The following NFIA variants were observed in gnomAD, a reference collection of about 807,000 sequenced individuals.
The protein encoded by NFIA is nuclear factor 1 A-type.
Under a neutral mutation model 62.8 loss-of-function variants are expected in NFIA, and 8 were observed. The observed-to-expected ratio is 0.13, with a 90% CI of 0.07 to 0.23. The LOEUF (loss-of-function observed/expected upper bound fraction) is 0.23. Among genes scored for constraint, NFIA ranks in the 10% least tolerant of loss-of-function variants. NFIA has a pLI of 1.00. For synonymous variants in NFIA, 235 were observed against 238.1 expected, an observed-to-expected ratio of 0.99 and a Z score of 0.12; for missense variants, 410 against 642.1, an observed-to-expected ratio of 0.64 and a Z score of 3.91.
Position 61,455,320 on chromosome 1 carries a change from A to G in NFIA, c.1530A>G (p.Ter510=), listed in dbSNP as rs766215148. ...PQQTQSWYLG[*] The stretch of plus-strand genomic sequence containing the variant: ...TCTTCCAGTCCTGGTACCTGGGATA[A>G]AAGTTGCAGCGTCCCACCATCCACC... Residue 510 remains the stop codon, a stop_retained_variant, in exon 11 of 11, where the codon TAA becomes TAG. Coordinates refer to ENST00000403491, the MANE Select transcript of NFIA (RefSeq NM_001134673.4). 2.5e-6 allele frequency: 4 copies of G among 1,614,034 alleles called. No homozygotes were observed. Among genetic ancestry groups the G allele is most frequent in the Non-Finnish European group, 3.4e-6 (4 of 1,179,968 alleles).
At position 61,406,617 on chromosome 1, in the gene NFIA, T is replaced by TGCCACC. The variant is rs752078495; in HGVS notation, c.1323_1328dup (p.Pro443_Pro444dup). 5 of 1,429,042 alleles carry TGCCACC rather than the reference T, an allele frequency of 3.5e-6. No individual in the cohort carries two copies. The highest frequency in any genetic ancestry group is 1.5e-5 in the African/African-American group (1 of 66,354). The allele number at this position is 1,429,042 out of a possible 1,614,324, so 88.5% of individuals were successfully genotyped here. A position where few individuals can be genotyped will look rare whatever the true frequency, so the allele number is the denominator to read the frequency against. On this transcript the variant is annotated inframe_insertion, in exon 9 of 11. Transcript: ENST00000403491. ...AACCCATTCCTTCCCACCCCAATGT[T>TGCCACC]GCCACCGCCACCGCCACCACCGATG...
At chr1:61,304,436 T>C (rs1659649841) in intron 3 of NFIA, among the ~76,000 whole-genome samples, 1 of 152,210 alleles carries the variant, frequency 6.6e-6, no homozygotes, top group Admixed American at 6.5e-5. Context: ...GTTTAATTAG[T>C]GTATGAATTC....
intron 3 of NFIA, among the ~76,000 whole-genome samples, chr1:61,311,313 C>T (rs1660099842): frequency 6.6e-6 from 1 of 152,102 alleles, no homozygotes; most frequent in African/African-American, 2.4e-5. Flanking sequence ...ATCGCTTGAA[C>T]CCGGGAGGTG....
intron 2 of NFIA, among the ~76,000 whole-genome samples, chr1:61,246,087 C>T (rs1350994625): frequency 6.6e-6 from 1 of 152,118 alleles, no homozygotes; most frequent in Non-Finnish European, 1.5e-5. Context: ...TTTATGTGTC[C>T]ACAGTTTGAA....
intron 3 of NFIA, among the ~76,000 whole-genome samples, chr1:61,321,352 T>C (rs1660669181): frequency 6.6e-6 from 1 of 151,812 alleles, no homozygotes; most frequent in Admixed American, 6.6e-5. Flanking sequence ...GACTAATAAA[T>C]GCATAATTCT....
intron 4 of NFIA, among the ~76,000 whole-genome samples, chr1:61,345,561 G>A (rs1415204902): frequency 5.3e-5 from 8 of 152,290 alleles, no homozygotes; most frequent in South Asian, 2.1e-4. Flanking sequence ...GTTAGGAACC[G>A]GACTGCACAG....
intron 2 of NFIA, among the ~76,000 whole-genome samples, chr1:61,099,123 C>G (rs183861665): frequency 1.3e-3 from 195 of 152,294 alleles, no homozygotes; most frequent in Non-Finnish European, 1.6e-3. Context: ...TCTGATTTCT[C>G]TAGAAAGGTC....
intron 1 of NFIA, among the ~76,000 whole-genome samples, chr1:61,086,247 G>C (rs1646217228): frequency 6.6e-6 from 1 of 152,084 alleles, no homozygotes; most frequent in Non-Finnish European, 1.5e-5. Context: ...TCAATGTGAA[G>C]TTCTGTTTCA....
At chr1:61,435,311 A>G (rs1667277039) in intron 10 of NFIA, among the ~76,000 whole-genome samples, 1 of 152,180 alleles carries the variant, frequency 6.6e-6, no homozygotes, top group East Asian at 1.9e-4. Context: ...AATAGTATCT[A>G]CCTCATAGAA....
intron 6 of NFIA, among the ~76,000 whole-genome samples, chr1:61,372,167 G>C (rs1663920625): frequency 6.6e-6 from 1 of 152,046 alleles, no homozygotes; most frequent in Admixed American, 6.6e-5. Context: ...GAGAAAAAAG[G>C]GTGAATCATT....
At chr1:61,258,154 A>T (rs528755225) in intron 2 of NFIA, among the ~76,000 whole-genome samples, 2 of 152,358 alleles carry the variant, frequency 1.3e-5, no homozygotes, top group East Asian at 3.9e-4. Context: ...AAATGTAGAT[A>T]CATAAAAATA....
intron 2 of NFIA, among the ~76,000 whole-genome samples, chr1:61,269,088 G>A (rs1037366373): frequency 2.6e-5 from 4 of 152,020 alleles, no homozygotes; most frequent in African/African-American, 9.7e-5. Flanking sequence ...GTCCTAAAGT[G>A]TTTATTTTGT....
chr1:61,450,282 C>G (rs1162431723), intron 10 of NFIA, among the ~76,000 whole-genome samples: 1 of 152,224 alleles, frequency 6.6e-6, no homozygotes, highest in African/African-American at 2.4e-5. Flanking sequence ...GTGAGAAACT[C>G]AGAGTCCACT....
intron 3 of NFIA, among the ~76,000 whole-genome samples, chr1:61,318,343 T>A (rs572581804): frequency 6.6e-6 from 1 of 152,156 alleles, no homozygotes; most frequent in Non-Finnish European, 1.5e-5. Flanking sequence ...CATGTTGGAA[T>A]CCGTGGTTGC....
intron 3 of NFIA, among the ~76,000 whole-genome samples, chr1:61,328,206 GC>G (rs969516890): frequency 1.3e-5 from 2 of 151,818 alleles, no homozygotes; most frequent in African/African-American, 4.8e-5. Context: ...AGGGCAGGGG[GC>G]TCAGAACACA....
chr1:61,432,407 C>T (rs1667136243), intron 10 of NFIA, among the ~76,000 whole-genome samples: 1 of 151,958 alleles, frequency 6.6e-6, no homozygotes, highest in South Asian at 2.1e-4. Context: ...TACATCCTCA[C>T]TTGCCCACCC....
chr1:61,349,494 C>T lies in NFIA; in HGVS notation c.701-2956C>T, dbSNP rs138966774. On this transcript the variant is annotated intron_variant, in intron 4 of 10. Coordinates refer to ENST00000403491, the MANE Select transcript of NFIA (RefSeq NM_001134673.4). Reference sequence around the variant, plus strand: ...TTCACCTGGTTTCCCAAGTGCTAATCGTGGGAGTTATCCCATACTCCCCTG... The same window carrying T: ...TTCACCTGGTTTCCCAAGTGCTAATTGTGGGAGTTATCCCATACTCCCCTG... Among the ~76,000 whole-genome samples, 736 of 152,280 alleles carry T rather than the reference C, an allele frequency of 4.8e-3. 6 individuals carry two copies. Among genetic ancestry groups the T allele is most frequent in the African/African-American group, 0.017 (711 of 41,570 alleles).
At chr1:61,334,452 C>T in intron 4 of NFIA, among the ~76,000 whole-genome samples, 1 of 148,762 alleles carries the variant, frequency 6.7e-6, no homozygotes, top group Admixed American at 6.8e-5. Flanking sequence ...CTTCTTAGGA[C>T]TTTTGAACAC....
At chr1:61,354,893 A>G (rs961550909) in intron 5 of NFIA, among the ~76,000 whole-genome samples, 1 of 152,136 alleles carries the variant, frequency 6.6e-6, no homozygotes, top group African/African-American at 2.4e-5. Context: ...GTTATTAGTA[A>G]GAAACAAGGA....
Sources: gnomAD v4.1 joint callset for allele counts (sites outside exome capture counted in the v4.1 genomes callset) on GRCh38, gnomAD v4.1.1 for gene constraint, MANE v1.5 for transcripts, NCBI Gene and HGNC (gene_info 2026-07-23, HGNC 2026-07-21) for gene names.